The following PLCB1 variants were observed in gnomAD, a reference collection of about 807,000 sequenced individuals.
PLCB1 encodes the protein phospholipase C beta 1, also known as 1-phosphatidylinositol 4,5-bisphosphate phosphodiesterase beta-1.
Under a neutral mutation model 161.8 loss-of-function variants are expected in PLCB1, and 46 were observed. The observed-to-expected ratio is 0.28, with a 90% CI of 0.22 to 0.36. The LOEUF is 0.36. Among genes scored for constraint, PLCB1 ranks in the 10% least tolerant of loss-of-function variants. The probability of loss-of-function intolerance (pLI) is 1.00; values close to 1 mark genes in which losing one functional copy is unlikely to be tolerated. For missense variants in PLCB1, 1,016 were observed against 1,472.5 expected, an observed-to-expected ratio of 0.69 and a Z score of 5.07; for synonymous variants, 517 against 503.7, an observed-to-expected ratio of 1.03 and a Z score of -0.35.
At chr20:8,827,280 G>A (rs1427774131) in intron 31 of PLCB1, among the ~76,000 whole-genome samples, 1 of 152,170 alleles carries the variant, frequency 6.6e-6, no homozygotes, top group East Asian at 1.9e-4. Context: ...ATGCACATGT[G>A]CAGTATAGGT....
intron 23 of PLCB1, among the ~76,000 whole-genome samples, chr20:8,745,990 G>A (rs996984196): frequency 6.6e-6 from 1 of 152,172 alleles, no homozygotes; most frequent in African/African-American, 2.4e-5. Flanking sequence ...GGAGTGCAGT[G>A]GCATGATCTC....
At chr20:8,516,664 CATAT>C (rs57237224) in intron 3 of PLCB1, among the ~76,000 whole-genome samples, 5,703 of 71,330 alleles carry the variant, frequency 0.08, 122 homozygotes, top group East Asian at 0.12. Flanking sequence ...AATATAACAT[CATAT>C]ATATATATAT....
chr20:8,839,297 G>A (rs921916110), intron 31 of PLCB1, among the ~76,000 whole-genome samples: 2 of 152,122 alleles, frequency 1.3e-5, no homozygotes, highest in African/African-American at 2.4e-5. Flanking sequence ...AAAAAAGACG[G>A]ACAATGCCTA....
chr20:8,495,018 C>T (rs1305684722), intron 3 of PLCB1, among the ~76,000 whole-genome samples: 1 of 151,790 alleles, frequency 6.6e-6, no homozygotes, highest in Non-Finnish European at 1.5e-5. Context: ...TCTGAGACTC[C>T]TTTCTTCCAA....
chr20:8,199,754 A>G (rs1346152863), intron 2 of PLCB1, among the ~76,000 whole-genome samples: 1 of 152,194 alleles, frequency 6.6e-6, no homozygotes, highest in African/African-American at 2.4e-5. Context: ...AAAATAAACT[A>G]CATAATGAAG....
chr20:8,727,356 C>A lies in PLCB1; in HGVS notation c.1726C>A (p.Leu576Ile). The change falls in exon 17 of 32, where the codon CTT becomes ATT. Residue 576 changes from leucine (L) to isoleucine (I), a missense_variant. This residue lies in a region of PLCB1 where 67 missense variants were observed against 195.6 expected (regional missense o/e 0.34). Transcript: ENST00000338037. ...GTCTTCCTTCGTGGAAACCAAAGGA[C>A]TTGAACAACTCACCAAGTCTCCAGT... Reference protein sequence around the residue: ...EMSSFVETKGLEQLTKSPVEF... With the variant: ...EMSSFVETKGIEQLTKSPVEF... The A allele has an allele frequency of 6.2e-7, 1 of 1,605,032 alleles. No homozygotes were observed. Among genetic ancestry groups the A allele is most frequent in the Non-Finnish European group, 8.5e-7 (1 of 1,172,704 alleles).
chr20:8,268,962 G>C (rs1261566684), intron 2 of PLCB1, among the ~76,000 whole-genome samples: 4 of 152,098 alleles, frequency 2.6e-5, no homozygotes, highest in Non-Finnish European at 5.9e-5. Context: ...CAGTGCACAT[G>C]TATGTATTGA....
At chr20:8,378,402 A>G (rs921656530) in intron 3 of PLCB1, among the ~76,000 whole-genome samples, 4 of 152,254 alleles carry the variant, frequency 2.6e-5, no homozygotes, top group African/African-American at 9.6e-5. Context: ...CACTGCATGT[A>G]AAAGTTATGA....
intron 3 of PLCB1, among the ~76,000 whole-genome samples, chr20:8,420,574 G>A (rs1206959534): frequency 6.6e-6 from 1 of 152,044 alleles, no homozygotes; most frequent in Non-Finnish European, 1.5e-5. Flanking sequence ...TGCCATCTTT[G>A]TGTTCATCTT....
rs1301785175 is a variant in PLCB1 at position 8,523,486 on chromosome 20, CTCTCTCTCT to C, written c.247-104807_247-104799del. ...TTTGGCTCTCTCTCTCTCTCTCTCT[CTCTCTCTCT>C]CTATATATATATATATATATATATA... On this transcript the variant is annotated intron_variant, in intron 3 of 31. Coordinates refer to ENST00000338037, the MANE Select transcript of PLCB1 (RefSeq NM_015192.4). Among the ~76,000 whole-genome samples, 3 of 61,172 alleles carry C rather than the reference CTCTCTCTCT, an allele frequency of 4.9e-5. 1 individual carries two copies. Among genetic ancestry groups the C allele is most frequent in the African/African-American group, 2.7e-4 (3 of 11,074 alleles). 40.1% of individuals were successfully genotyped at this position (61,172 alleles called of 152,430 possible). A position where few individuals can be genotyped will look rare whatever the true frequency, so the allele number is the denominator to read the frequency against.
intron 3 of PLCB1, among the ~76,000 whole-genome samples, chr20:8,454,455 G>C (rs1239245726): frequency 6.6e-6 from 1 of 152,208 alleles, no homozygotes; most frequent in Non-Finnish European, 1.5e-5. Flanking sequence ...CCATGGTCTT[G>C]AGAGCAGTTA....
At chr20:8,480,759 A>C (rs1347817255) in intron 3 of PLCB1, among the ~76,000 whole-genome samples, 1 of 152,224 alleles carries the variant, frequency 6.6e-6, no homozygotes, top group East Asian at 1.9e-4. Flanking sequence ...TGTTATAAGC[A>C]GACTTACAAA....
chr20:8,202,918 A>C (rs772430395), intron 2 of PLCB1, among the ~76,000 whole-genome samples: 8 of 152,160 alleles, frequency 5.3e-5, no homozygotes, highest in Non-Finnish European at 1.2e-4. Context: ...TAGGCCTTGA[A>C]GAGAGTTGTA....
intron 3 of PLCB1, among the ~76,000 whole-genome samples, chr20:8,414,734 G>A (rs2122523404): frequency 6.6e-6 from 1 of 152,152 alleles, no homozygotes; most frequent in Admixed American, 6.5e-5. Flanking sequence ...TAGCTGTGGA[G>A]CATTGGAAAT....
At chr20:8,501,618 G>A (rs1418831678) in intron 3 of PLCB1, among the ~76,000 whole-genome samples, 1 of 152,102 alleles carries the variant, frequency 6.6e-6, no homozygotes, top group Admixed American at 6.5e-5. Context: ...TCTAGCTGGG[G>A]AAGCAAAATG....
chr20:8,743,003 A>AATAATTTGACTTTTTCCAGTTTGG (rs1213298151), intron 23 of PLCB1, among the ~76,000 whole-genome samples: 6 of 152,182 alleles, frequency 3.9e-5, no homozygotes, highest in Non-Finnish European at 5.9e-5. Context: ...TGCAAACAGG[A>AATAATTTGACTTTTTCCAGTTTGG]ATAATTTGAC....
chr20:8,489,466 A>G (rs1982858833), intron 3 of PLCB1, among the ~76,000 whole-genome samples: 1 of 152,204 alleles, frequency 6.6e-6, no homozygotes, highest in Non-Finnish European at 1.5e-5. Context: ...GTCTTTATGT[A>G]ACTGCTCATT....
At chr20:8,144,226 C>T (rs2051431477) in intron 1 of PLCB1, among the ~76,000 whole-genome samples, 1 of 152,114 alleles carries the variant, frequency 6.6e-6, no homozygotes, top group Non-Finnish European at 1.5e-5. Flanking sequence ...CACTGCATAC[C>T]CACCAGAGCT....
At chr20:8,580,545 G>A (rs1185358686) in intron 3 of PLCB1, among the ~76,000 whole-genome samples, 2 of 151,910 alleles carry the variant, frequency 1.3e-5, no homozygotes, top group African/African-American at 2.4e-5. Flanking sequence ...AAAATACATG[G>A]CGTGTTTCCT....
Sources: allele counts gnomAD v4.1 joint callset (sites outside exome capture counted in the v4.1 genomes callset), GRCh38; gene constraint gnomAD v4.1.1; regional missense constraint gnomAD v4.1.1; transcripts MANE v1.5; gene names NCBI Gene and HGNC (gene_info 2026-07-23, HGNC 2026-07-21).